The following ANOS1 variants were observed in gnomAD, a reference collection of about 807,000 sequenced individuals.
ANOS1 encodes the protein anosmin-1.
A neutral mutation model predicts 59.0 loss-of-function variants in ANOS1; 6 were observed. The ratio of observed to expected loss-of-function variants is 0.10; its 90% CI spans 0.06 to 0.20. The LOEUF is 0.20. Ranked by LOEUF, ANOS1 falls within the 10% of genes least tolerant of loss-of-function variation. The pLI is 1.00. For missense variants in ANOS1, 433 were observed against 542.3 expected (o/e 0.80, Z 2.00); for synonymous variants, 217 against 223.4 (o/e 0.97, Z 0.25).
Position 8,597,014 on chromosome X carries a change from C to G in ANOS1, c.541+20G>C. 1 of 1,211,325 alleles carries G rather than the reference C, an allele frequency of 8.3e-7. No homozygotes were observed. The highest frequency in any genetic ancestry group is 1.1e-6 in the Non-Finnish European group (1 of 895,340). ...ATGTGACACTGCATGTGTCTTCACA[C>G]CCCCAGTGCTGCCCCTTACCTTTGT... On this transcript the variant is annotated intron_variant, in intron 4 of 13. Coordinates refer to ENST00000262648, the MANE Select transcript of ANOS1 (RefSeq NM_000216.4).
intron 2 of ANOS1, among the ~76,000 whole-genome samples, chrX:8,699,306 T>C (rs1932728444): frequency 8.9e-6 from 1 of 112,001 alleles, no homozygotes; most frequent in African/African-American, 3.2e-5. Context: ...GAAACCAAAA[T>C]ACATGCAAAA....
chrX:8,667,429 G>A (rs748542456), intron 2 of ANOS1, among the ~76,000 whole-genome samples: 75 of 110,959 alleles, frequency 6.8e-4, no homozygotes, highest in African/African-American at 2.0e-3. Context: ...CAGAGTACCC[G>A]GAATTAAAGG....
chrX:8,537,029 C>T (rs1487240860), intron 10 of ANOS1, 87 bp from the exon 11 acceptor site: 1 of 818,748 alleles, frequency 1.2e-6, no homozygotes, highest in Non-Finnish European at 1.8e-6. Context: ...ATATTCCATC[C>T]AACAAGGATG....
At chrX:8,573,806 G>A (rs1377113210) in intron 6 of ANOS1, among the ~76,000 whole-genome samples, 1 of 111,086 alleles carries the variant, frequency 9.0e-6, no homozygotes, top group East Asian at 2.8e-4. Flanking sequence ...AGTTGCTCTG[G>A]CCCCAACCCT....
At chrX:8,544,153 T>G (rs1436163581) in intron 9 of ANOS1, among the ~76,000 whole-genome samples, 1 of 109,890 alleles carries the variant, frequency 9.1e-6, no homozygotes, top group Non-Finnish European at 1.9e-5. Context: ...TCATTAAATG[T>G]GAATTCCTCA....
chrX:8,679,437 C>T (rs1208271760), intron 2 of ANOS1, among the ~76,000 whole-genome samples: 3 of 109,240 alleles, frequency 2.7e-5, no homozygotes, highest in African/African-American at 1.0e-4. Context: ...TACAAGAGTC[C>T]CTATAAGTAG....
chrX:8,618,998 G>A (rs1176772525), intron 3 of ANOS1, among the ~76,000 whole-genome samples: 2 of 99,817 alleles, frequency 2.0e-5, no homozygotes, highest in East Asian at 3.3e-4. Flanking sequence ...GCTCAAACCC[G>A]GGAGGCAGAG....
chrX:8,534,546 C>T (rs764242193), intron 12 of ANOS1, 86 bp from the exon 13 acceptor site: 1 of 985,033 alleles, frequency 1.0e-6, no homozygotes, highest in Non-Finnish European at 1.4e-6. Context: ...ACAGTTTTTC[C>T]CCCACTGGAG....
chrX:8,634,558 G>T (rs1931542568), intron 2 of ANOS1, among the ~76,000 whole-genome samples: 1 of 111,398 alleles, frequency 9.0e-6, no homozygotes, highest in Non-Finnish European at 1.9e-5. Flanking sequence ...GAGTTGAGTA[G>T]TTGCAACAGA....
intron 2 of ANOS1, among the ~76,000 whole-genome samples, chrX:8,652,188 C>A (rs751786251): frequency 9.0e-6 from 1 of 111,375 alleles, no homozygotes; most frequent in Admixed American, 9.6e-5. Flanking sequence ...GTCACTAACA[C>A]CTGGCTTCAG....
intron 2 of ANOS1, among the ~76,000 whole-genome samples, chrX:8,685,470 T>C (rs1212667719): frequency 4.8e-5 from 4 of 83,479 alleles, no homozygotes; most frequent in Admixed American, 3.0e-4. Flanking sequence ...GAGGGAACAA[T>C]TGAACAGAAA....
At chrX:8,535,007 T>C (rs757398281) in intron 12 of ANOS1, among the ~76,000 whole-genome samples, 2 of 112,026 alleles carry the variant, frequency 1.8e-5, no homozygotes, top group Non-Finnish European at 3.8e-5. Flanking sequence ...GAGATTTAAG[T>C]TGTGTTTCTT....
intron 1 of ANOS1, among the ~76,000 whole-genome samples, chrX:8,729,773 G>A (rs771593527): frequency 1.2e-3 from 130 of 106,452 alleles, no homozygotes; most frequent in African/African-American, 4.3e-3. Context: ...GGAAGCTTGG[G>A]GTTTTATAAG....
intron 2 of ANOS1, among the ~76,000 whole-genome samples, chrX:8,647,259 C>G (rs765738433): frequency 1.8e-5 from 2 of 110,742 alleles, no homozygotes; most frequent in African/African-American, 6.6e-5. Context: ...CCAAATGCCC[C>G]CCAGGGACAA....
At chrX:8,693,201 C>T (rs988061081) in intron 2 of ANOS1, among the ~76,000 whole-genome samples, 20 of 112,245 alleles carry the variant, frequency 1.8e-4, no homozygotes, top group African/African-American at 6.5e-4. Flanking sequence ...CTGTCTTTGG[C>T]TGGATATATC....
chrX:8,683,035 C>T (rs964826592), intron 2 of ANOS1, among the ~76,000 whole-genome samples: 24 of 110,842 alleles, frequency 2.2e-4, no homozygotes, highest in African/African-American at 6.6e-4. Flanking sequence ...TGAGCAAGCC[C>T]GCCACGGGAT....
intron 8 of ANOS1, among the ~76,000 whole-genome samples, chrX:8,562,812 T>A (rs1336217867): frequency 8.9e-6 from 1 of 112,416 alleles, no homozygotes; most frequent in Non-Finnish European, 1.9e-5. Flanking sequence ...TGCATGAACA[T>A]TCAGCCTTCA....
intron 9 of ANOS1, among the ~76,000 whole-genome samples, chrX:8,543,778 C>T (rs1046048972): frequency 2.7e-5 from 3 of 110,896 alleles, no homozygotes; most frequent in African/African-American, 9.9e-5. Context: ...GCAGGAGAAT[C>T]GCTTGAACCC....
chrX:8,666,133 C>T (rs2146876009), intron 2 of ANOS1, among the ~76,000 whole-genome samples: 1 of 111,430 alleles, frequency 9.0e-6, no homozygotes, highest in African/African-American at 3.3e-5. Context: ...GAGTTCAAGG[C>T]TGCAGTGAGC....
Sources: gnomAD v4.1 joint callset for allele counts (sites outside exome capture counted in the v4.1 genomes callset) on GRCh38, gnomAD v4.1.1 for gene constraint, MANE v1.5 for transcripts, NCBI Gene and HGNC (gene_info 2026-07-23, HGNC 2026-07-21) for gene names.